LEKR1: variants seen among roughly 807,000 people sequenced by gnomAD.
The protein encoded by LEKR1 is leucine, glutamate and lysine rich 1.
LEKR1 carries 59 observed loss-of-function variants against 72.4 expected under a neutral mutation model. The ratio of observed to expected loss-of-function variants is 0.82; its 90% CI spans 0.66 to 1.01. The LOEUF (loss-of-function observed/expected upper bound fraction) is 1.01. Among genes scored for constraint, LEKR1 ranks in the 50% least tolerant of loss-of-function variants. LEKR1 has a pLI of 0.00. For missense variants in LEKR1, 728 were observed against 759.2 expected, an observed-to-expected ratio of 0.96 and a Z score of 0.48; for synonymous variants, 257 against 263.2, an observed-to-expected ratio of 0.98 and a Z score of 0.23.
At chr3:156,904,796 C>T (rs937330809) in intron 3 of LEKR1, among the ~76,000 whole-genome samples, 4 of 151,928 alleles carry the variant, frequency 2.6e-5, no homozygotes, top group Non-Finnish European at 4.4e-5. Flanking sequence ...CTGTGCCCAA[C>T]CTATGTATGT....
rs562086394 is a variant in LEKR1 at position 156,877,079 on chromosome 3, T to C, written c.263+24097T>C. Among the ~76,000 whole-genome samples, 39 of 152,290 alleles carry C rather than the reference T, an allele frequency of 2.6e-4. No homozygotes were observed. The South Asian group carries it at 7.9e-3, about 31-fold the overall frequency. ...GTGTTTTCTGCACCTATTGAGATGA[T>C]CATGATTTTTAAAAAATTCTATTTA... On this transcript the variant is annotated intron_variant, in intron 3 of 12. Transcript: ENST00000356539.
At chr3:156,914,268 C>T (rs1723386424) in intron 3 of LEKR1, among the ~76,000 whole-genome samples, 1 of 151,804 alleles carries the variant, frequency 6.6e-6, no homozygotes, top group African/African-American at 2.4e-5. Flanking sequence ...CACCCATCAA[C>T]CCATTATCTA....
At chr3:156,924,249 T>C (rs1034235656) in intron 4 of LEKR1, among the ~76,000 whole-genome samples, 39 of 152,184 alleles carry the variant, frequency 2.6e-4, no homozygotes, top group Non-Finnish European at 5.1e-4. Flanking sequence ...ATCTTTTCAT[T>C]TGTTTGTTAA....
intron 10 of LEKR1, among the ~76,000 whole-genome samples, chr3:157,022,631 GA>G: frequency 6.6e-6 from 1 of 152,312 alleles, no homozygotes; most frequent in South Asian, 2.1e-4. Context: ...GCTTTGGGAA[GA>G]GTGTTGTTAC....
At chr3:156,863,935 T>C (rs1183420870) in intron 3 of LEKR1, among the ~76,000 whole-genome samples, 1 of 152,028 alleles carries the variant, frequency 6.6e-6, no homozygotes, top group Non-Finnish European at 1.5e-5. Context: ...CAGGGTTGGT[T>C]GAGTTGACAG....
chr3:156,899,565 C>CATGTATATATACATAT (rs1721711808), intron 3 of LEKR1, among the ~76,000 whole-genome samples: 1 of 105,040 alleles, frequency 9.5e-6, no homozygotes, highest in Non-Finnish European at 1.8e-5. Context: ...TATACATATA[C>CATGTATATATACATAT]ATGTATATAT....
At chr3:156,844,258 A>C (rs115467441) in intron 2 of LEKR1, among the ~76,000 whole-genome samples, 1,873 of 152,092 alleles carry the variant, frequency 0.012, 22 homozygotes, top group Non-Finnish European at 0.019. Context: ...TCCCAGATTG[A>C]TTTTTTTCTA....
intron 5 of LEKR1, among the ~76,000 whole-genome samples, chr3:156,940,874 C>T (rs1726135903): frequency 6.6e-6 from 1 of 152,082 alleles, no homozygotes; most frequent in Non-Finnish European, 1.5e-5. Context: ...AAATAGGTGA[C>T]ACCACGTGTG....
chr3:157,021,262 G>C (rs1243205671), intron 10 of LEKR1, among the ~76,000 whole-genome samples: 1 of 151,866 alleles, frequency 6.6e-6, no homozygotes, highest in African/African-American at 2.4e-5. Flanking sequence ...TTCTTTTGCT[G>C]TGCAGAAGCT....
intron 6 of LEKR1, among the ~76,000 whole-genome samples, chr3:156,974,843 A>G (rs1470569763): frequency 1.3e-5 from 2 of 152,176 alleles, no homozygotes; most frequent in Admixed American, 6.5e-5. Context: ...GTTAAAGAAG[A>G]AAAAGACAAT....
chr3:156,997,989 G>T (rs1339142464), intron 9 of LEKR1, among the ~76,000 whole-genome samples: 3 of 152,206 alleles, frequency 2.0e-5, no homozygotes, highest in Non-Finnish European at 4.4e-5. Context: ...AGACAGTCTG[G>T]CCAGCTTGGT....
intron 9 of LEKR1, among the ~76,000 whole-genome samples, chr3:156,999,497 G>A (rs1731848534): frequency 6.6e-6 from 1 of 151,936 alleles, no homozygotes; most frequent in Admixed American, 6.6e-5. Context: ...AAGTGCTTCT[G>A]TAGACATTAT....
chr3:156,883,010 G>T (rs1177421997), intron 3 of LEKR1, among the ~76,000 whole-genome samples: 2 of 150,194 alleles, frequency 1.3e-5, no homozygotes, highest in African/African-American at 2.5e-5. Context: ...TGTGGGTTGG[G>T]GGGAGGGGGG....
intron 9 of LEKR1, among the ~76,000 whole-genome samples, chr3:157,008,185 C>A (rs1227113812): frequency 1.3e-5 from 2 of 152,162 alleles, no homozygotes; most frequent in African/African-American, 4.8e-5. Flanking sequence ...GGATTTTGAG[C>A]ACAATTTGAA....
chr3:157,014,087 C>A (rs1296101707), intron 10 of LEKR1, among the ~76,000 whole-genome samples: 1 of 151,910 alleles, frequency 6.6e-6, no homozygotes, highest in Non-Finnish European at 1.5e-5. Context: ...GATGCTGAAC[C>A]TTTAAAATTG....
At chr3:156,948,041 G>A (rs979601968) in intron 6 of LEKR1, among the ~76,000 whole-genome samples, 1 of 151,004 alleles carries the variant, frequency 6.6e-6, no homozygotes, top group East Asian at 1.9e-4. Flanking sequence ...CACCTCTAAT[G>A]CCAACAAGGA....
At chr3:156,846,829 T>C (rs1026131941) in intron 2 of LEKR1, among the ~76,000 whole-genome samples, 2 of 152,148 alleles carry the variant, frequency 1.3e-5, no homozygotes. Flanking sequence ...ATTTATTTAT[T>C]TGAAACAAGG....
In LEKR1 at chr3:156,853,053, A is replaced by C. The variant is rs2108538218; in HGVS notation, c.263+71A>C. ...GCTACAGGAAATAAATACACTTTGA[A>C]TGTTTTTCTAAAATTTCTCTACATC... On this transcript the variant is annotated intron_variant, in intron 3 of 12. Coordinates refer to ENST00000356539, the MANE Select transcript of LEKR1 (RefSeq NM_001004316.3). The C allele has an allele frequency of 2.9e-6, 3 of 1,036,580 alleles. No homozygotes were observed. In the South Asian group the frequency reaches 4.8e-5, roughly 16 times the overall value. The allele number at this position is 1,036,580 out of a possible 1,614,324, so 64.2% of individuals were successfully genotyped here.
chr3:156,972,723 A>G (rs1300951636), intron 6 of LEKR1, among the ~76,000 whole-genome samples: 2 of 150,728 alleles, frequency 1.3e-5, no homozygotes, highest in Non-Finnish European at 3.0e-5. Context: ...TAATAAAATA[A>G]TTTAAATAAA....
Sources: allele counts gnomAD v4.1 joint callset (sites outside exome capture counted in the v4.1 genomes callset), GRCh38; gene constraint gnomAD v4.1.1; transcripts MANE v1.5; gene names NCBI Gene and HGNC (gene_info 2026-07-23, HGNC 2026-07-21).